Variants in P2RX5 observed in about 807,000 individuals in gnomAD.
P2RX5 encodes P2X purinoceptor 5.
Under a neutral mutation model 54.1 loss-of-function variants are expected in P2RX5, and 46 were observed. That is an observed-to-expected ratio of 0.85 (90% CI 0.67 to 1.09). The LOEUF is 1.09. Ranked by LOEUF, P2RX5 falls within the 50% of genes least tolerant of loss-of-function variation. The pLI, the probability that P2RX5 is intolerant of heterozygous loss-of-function variation, is 0.00. For synonymous variants in P2RX5, 226 were observed against 226.4 expected (o/e 1.00, Z 0.02); for missense variants, 566 against 549.8 (o/e 1.03, Z -0.29).
At chr17:3,691,561 G>A (rs762565940) in intron 2 of P2RX5, 83 bp downstream of exon 2, 77 of 1,543,388 alleles carry the variant, frequency 5.0e-5, no homozygotes, top group South Asian at 1.3e-4. Flanking sequence ...GGGTCCCTGC[G>A]TATCCAAGAA....
Position 3,685,126 on chromosome 17 carries a change from T to G in P2RX5, c.981+2886A>C, listed in dbSNP as rs184790648. ...TCCCAAAGCACTGGGATTACAGGTGTGAGTCACTGCGCCCGGCCTAATCCT... is the reference window on the plus strand; with the variant it reads ...TCCCAAAGCACTGGGATTACAGGTGGGAGTCACTGCGCCCGGCCTAATCCT... On this transcript the variant is annotated intron_variant, in intron 9 of 11. Transcript: ENST00000225328. Among the ~76,000 whole-genome samples the G allele has an allele frequency of 7.2e-5, 11 of 152,232 alleles. 1 individual carries two copies. The East Asian group carries it at 7.7e-4, about 11-fold the overall frequency.
chr17:3,691,071 A>G (rs1194012582), intron 2 of P2RX5, 44 bp from the exon 3 acceptor site: 2 of 1,416,688 alleles, frequency 1.4e-6, no homozygotes, highest in Non-Finnish European at 2.0e-6. Context: ...CCTGCCCCTT[A>G]GGGACCACCC....
intron 1 of P2RX5, chr17:3,691,997 G>A (rs148422269): frequency 5.6e-5 from 34 of 605,388 alleles, no homozygotes; most frequent in African/African-American, 9.2e-5. Context: ...CAGCAGAGGC[G>A]ACAAGCAACC....
At chr17:3,718,546 C>T in the P2RX5 span, among the ~76,000 whole-genome samples, 2 of 152,200 alleles carry the variant, frequency 1.3e-5, no homozygotes, top group Non-Finnish European at 2.9e-5. Context: ...GGCTGAAATG[C>T]ATTTGGATAC....
At chr17:3,714,297 G>A in the P2RX5 span, among the ~76,000 whole-genome samples, 132 of 151,312 alleles carry the variant, frequency 8.7e-4, 1 homozygote, top group African/African-American at 2.7e-3. Context: ...GCACGATCTC[G>A]GCTCACTGCA....
the P2RX5 span, among the ~76,000 whole-genome samples, chr17:3,711,213 A>G: frequency 1.3e-5 from 2 of 152,258 alleles, no homozygotes; most frequent in African/African-American, 4.8e-5. Context: ...GTGAGTGCAG[A>G]TTCGAATAAC....
chr17:3,688,482 T>G (rs1597264103), intron 8 of P2RX5, 144 bp downstream of exon 8: 1 of 883,824 alleles, frequency 1.1e-6, no homozygotes, highest in Non-Finnish European at 1.9e-6. Flanking sequence ...TCTGCTGGGG[T>G]CCACACCTCT....
At chr17:3,684,009 GA>G (rs992164053) in intron 9 of P2RX5, among the ~76,000 whole-genome samples, 20 of 152,358 alleles carry the variant, frequency 1.3e-4, no homozygotes, top group African/African-American at 4.8e-4. Flanking sequence ...AGAAACCTGG[GA>G]AAGGGACCTG....
Position 3,690,516 on chromosome 17 carries a change from C to T in P2RX5, c.444G>A (p.Lys148=), listed in dbSNP as rs2050582197. The T allele has an allele frequency of 3.1e-6, 5 of 1,613,576 alleles. No homozygotes were observed. The highest frequency in any genetic ancestry group is 3.3e-4 in the Middle Eastern group (2 of 6,062). ...TCTCTCTCCGCAGGCAGCGGCCGGTCTTCACTCCTGCAGGGGTGGGACAGG... is the reference window on the plus strand; with the variant it reads ...TCTCTCTCCGCAGGCAGCGGCCGGTTTTCACTCCTGCAGGGGTGGGACAGG... ...GEAVTAGNGV[K]TGRCLRRENL... Residue 148 remains lysine, a synonymous_variant, in exon 5 of 12, where the codon AAG becomes AAA. Transcript: ENST00000225328.
intron 11 of P2RX5, chr17:3,676,650 C>T: frequency 2.1e-6 from 2 of 966,826 alleles, no homozygotes; most frequent in Non-Finnish European, 1.2e-6. Context: ...TCTTAAATGT[C>T]ACTGTGCACA....
intron 11 of P2RX5, among the ~76,000 whole-genome samples, chr17:3,674,922 G>A (rs917041518): frequency 6.6e-6 from 1 of 152,212 alleles, no homozygotes; most frequent in Non-Finnish European, 1.5e-5. Context: ...AAACCCTCGG[G>A]GGCAGGGATC....
chr17:3,695,810 G>A, intron 1 of P2RX5, 59 bp downstream of exon 1: 6 of 1,593,286 alleles, frequency 3.8e-6, no homozygotes, highest in Non-Finnish European at 5.2e-6. Flanking sequence ...AGAAGGACGC[G>A]GCGGCTGGCA....
At position 3,688,723 on chromosome 17, in the gene P2RX5, C is replaced by T. The variant is rs201342862; in HGVS notation, c.790G>A (p.Asp264Asn). ...VIGINIEWNC[D>N]LDKAASECHP... ...CACTCAGAGGCAGCTTTATCAAGAT[C>T]ACAGTTCCATTCAATATTAATTCCT... Residue 264 changes from aspartate to asparagine, a missense_variant, in exon 8 of 12, where the codon GAT becomes AAT. Asp to Asn is a conservative substitution (Grantham distance 23). Coordinates refer to ENST00000225328, the MANE Select transcript of P2RX5 (RefSeq NM_002561.4). 4 of 1,613,912 alleles carry T rather than the reference C, an allele frequency of 2.5e-6. No individual in the cohort carries two copies. The East Asian group carries it at 8.9e-5, about 36-fold the overall frequency.
chr17:3,696,264 C>G (rs2050757231), upstream of P2RX5: 1 of 278,984 alleles, frequency 3.6e-6, no homozygotes, highest in Admixed American at 5.5e-5. Flanking sequence ...GCCGCTACCT[C>G]TTCTTCCTCC....
chr17:3,702,621 C>T, the P2RX5 span, among the ~76,000 whole-genome samples: 2 of 152,214 alleles, frequency 1.3e-5, no homozygotes, highest in Non-Finnish European at 2.9e-5. Context: ...GTCAGCGAGA[C>T]CATGAACCCA....
chr17:3,709,045 G>A, the P2RX5 span, among the ~76,000 whole-genome samples: 4 of 152,142 alleles, frequency 2.6e-5, no homozygotes, highest in African/African-American at 9.6e-5. Context: ...TCCCCCTCCC[G>A]TGTTCAAGCG....
At chr17:3,709,778 G>A in the P2RX5 span, among the ~76,000 whole-genome samples, 10 of 152,106 alleles carry the variant, frequency 6.6e-5, no homozygotes, top group South Asian at 2.1e-4. Context: ...GCATGGTGGC[G>A]GGTGCCTGTA....
intron 2 of P2RX5, 96 bp downstream of exon 2, chr17:3,691,548 T>C (rs2050617193): frequency 6.8e-7 from 1 of 1,461,220 alleles, no homozygotes; most frequent in African/African-American, 1.4e-5. Flanking sequence ...AGATGATGGA[T>C]GGGGGTCCCT....
At chr17:3,699,095 C>CA (rs60173844), upstream of P2RX5, among the ~76,000 whole-genome samples, 1,185 of 100,182 alleles carry the variant, frequency 0.012, 21 homozygotes, top group South Asian at 0.029. Context: ...ACACACACAC[C>CA]TATATATATA....
Sources: gnomAD v4.1 joint callset for allele counts (sites outside exome capture counted in the v4.1 genomes callset) on GRCh38, gnomAD v4.1.1 for gene constraint, MANE v1.5 for transcripts, NCBI Gene and HGNC (gene_info 2026-07-23, HGNC 2026-07-21) for gene names.